The following LOXHD1 variants were observed in gnomAD, a reference collection of about 807,000 sequenced individuals.
LOXHD1 encodes lipoxygenase homology domain-containing protein 1.
LOXHD1 carries 205 observed loss-of-function variants against 248.2 expected under a neutral mutation model. That is an observed-to-expected ratio of 0.83 (90% confidence interval 0.74 to 0.93). The LOEUF is 0.93. Ranked by LOEUF, LOXHD1 falls within the 40% of genes least tolerant of loss-of-function variation. The probability of loss-of-function intolerance (pLI) is 0.00; values close to 1 mark genes in which losing one functional copy is unlikely to be tolerated. For synonymous variants in LOXHD1, 1,113 were observed against 1,162.8 expected, an observed-to-expected ratio of 0.96 and a Z score of 0.87; for missense variants, 2,930 against 2,971.6, an observed-to-expected ratio of 0.99 and a Z score of 0.33.
At chr18:46,484,077 A>G (rs563399107) in intron 39 of LOXHD1, among the ~76,000 whole-genome samples, 2 of 152,152 alleles carry the variant, frequency 1.3e-5, no homozygotes, top group East Asian at 3.9e-4. Flanking sequence ...GTCTTAGCAA[A>G]GTCATAGGTG....
chr18:46,642,841 G>T (rs543899482), intron 2 of LOXHD1, among the ~76,000 whole-genome samples: 2 of 152,304 alleles, frequency 1.3e-5, no homozygotes, highest in Middle Eastern at 3.4e-3. Flanking sequence ...TTGAGCCCCG[G>T]CCTGCCAGCA....
chr18:46,508,672 C>G (rs369312520), intron 35 of LOXHD1, among the ~76,000 whole-genome samples: 154 of 152,348 alleles, frequency 1.0e-3, no homozygotes, highest in African/African-American at 3.5e-3. Flanking sequence ...GCACAACACA[C>G]AAGTTCGCAT....
At chr18:46,490,472 G>T (rs914001880) in intron 37 of LOXHD1, among the ~76,000 whole-genome samples, 1 of 152,204 alleles carries the variant, frequency 6.6e-6, no homozygotes, top group Non-Finnish European at 1.5e-5. Context: ...AAACAGTGAA[G>T]TTACTTATTT....
chr18:46,543,451 G>T (rs111720884), intron 23 of LOXHD1, among the ~76,000 whole-genome samples: 11,820 of 152,018 alleles, frequency 0.078, 549 homozygotes, highest in Non-Finnish European at 0.1. Context: ...AAGTTCTGGG[G>T]TACACGTGCA....
chr18:46,559,079 A>C, intron 20 of LOXHD1: 1 of 1,177,846 alleles, frequency 8.5e-7, no homozygotes, highest in Non-Finnish European at 1.1e-6. Flanking sequence ...CTCACCTGCC[A>C]AGGCCCAGTT....
intron 4 of LOXHD1, among the ~76,000 whole-genome samples, chr18:46,621,505 T>C (rs1427285879): frequency 2.0e-5 from 3 of 152,222 alleles, no homozygotes; most frequent in African/African-American, 4.8e-5. Context: ...TCTGTCACTG[T>C]TGGCAAACGT....
At chr18:46,570,835 T>C (rs1485171850) in intron 15 of LOXHD1, among the ~76,000 whole-genome samples, 1 of 152,202 alleles carries the variant, frequency 6.6e-6, no homozygotes, top group Non-Finnish European at 1.5e-5. Flanking sequence ...GCCACATGCG[T>C]GCGGGCTGTG....
chr18:46,488,609 TC>T (rs1047022169), intron 38 of LOXHD1, among the ~76,000 whole-genome samples: 60 of 152,296 alleles, frequency 3.9e-4, no homozygotes, highest in African/African-American at 1.3e-3. Context: ...GCATTCTGTT[TC>T]TAGGAAGCGT....
In LOXHD1 at chr18:46,524,804, C is replaced by G; in HGVS notation, c.4644G>C (p.Trp1548Cys). Reference protein sequence around the residue: ...ADWYVEKVEIWNDTNEDEFLF... With the variant: ...ADWYVEKVEICNDTNEDEFLF... Reference sequence around the variant, plus strand: ...GGAACTCGTCCTCGTTGGTGTCATTCCAGATCTCCACCTTCTCCACGTACC... The same window carrying G: ...GGAACTCGTCCTCGTTGGTGTCATTGCAGATCTCCACCTTCTCCACGTACC... Residue 1548 changes from tryptophan to cysteine, a missense_variant, in exon 30 of 41, where the codon TGG becomes TGC. Transcript: ENST00000642948. 1 of 1,551,784 alleles carries G rather than the reference C, an allele frequency of 6.4e-7. No individual in the cohort carries two copies. The highest frequency in any genetic ancestry group is 1.2e-5 in the South Asian group (1 of 84,062).
At chr18:46,614,549 T>A (rs1331842009) in intron 5 of LOXHD1, among the ~76,000 whole-genome samples, 1 of 152,008 alleles carries the variant, frequency 6.6e-6, no homozygotes, top group African/African-American at 2.4e-5. Flanking sequence ...GTGGGGAACA[T>A]CACATACTGG....
intron 37 of LOXHD1, among the ~76,000 whole-genome samples, chr18:46,492,713 A>G (rs2143683559): frequency 6.6e-6 from 1 of 152,272 alleles, no homozygotes; most frequent in South Asian, 2.1e-4. Flanking sequence ...TTATTTTTTT[A>G]CACAAAAGTA....
intron 7 of LOXHD1, among the ~76,000 whole-genome samples, chr18:46,603,589 T>C (rs1200063959): frequency 6.6e-6 from 1 of 152,188 alleles, no homozygotes; most frequent in Non-Finnish European, 1.5e-5. Flanking sequence ...GTTAGGGCTT[T>C]AGGAAGCAGA....
intron 6 of LOXHD1, among the ~76,000 whole-genome samples, chr18:46,607,102 G>A (rs968622668): frequency 6.6e-6 from 1 of 151,786 alleles, no homozygotes; most frequent in Non-Finnish European, 1.5e-5. Flanking sequence ...CCGGGAGGCA[G>A]AGATTGCAGT....
At chr18:46,611,923 G>A in intron 5 of LOXHD1, among the ~76,000 whole-genome samples, 1 of 152,152 alleles carries the variant, frequency 6.6e-6, no homozygotes, top group African/African-American at 2.4e-5. Context: ...GACGGCTCCT[G>A]AAGTGTGATA....
intron 4 of LOXHD1, among the ~76,000 whole-genome samples, chr18:46,638,663 A>G (rs532997379): frequency 1.3e-4 from 20 of 152,304 alleles, no homozygotes; most frequent in Admixed American, 1.2e-3. Flanking sequence ...AAATAAAAAT[A>G]AAATAATCAA....
intron 18 of LOXHD1, 133 bp downstream of exon 18, chr18:46,562,932 C>A (rs759053814): frequency 1.8e-5 from 19 of 1,071,542 alleles, no homozygotes; most frequent in Non-Finnish European, 2.2e-5. Flanking sequence ...AGAGAGGAAG[C>A]ATTTTCCACC....
rs569525991 is a variant in LOXHD1 at position 46,521,336 on chromosome 18, T to G, written c.5086-54A>C. 3 of 1,536,760 alleles carry G rather than the reference T, an allele frequency of 2.0e-6. No homozygotes were observed. The East Asian group carries it at 7.3e-5, about 38-fold the overall frequency. On this transcript the variant is annotated intron_variant, in intron 32 of 40. Coordinates refer to ENST00000642948, the MANE Select transcript of LOXHD1 (RefSeq NM_001384474.1). Reference sequence around the variant, plus strand: ...GATCTGGGCACAACTGGGAAGGAAGTGCTCCCTGCCCAGCCCCCTCCCTCA... The same window carrying G: ...GATCTGGGCACAACTGGGAAGGAAGGGCTCCCTGCCCAGCCCCCTCCCTCA...
At chr18:46,529,726 T>G (rs1025774905) in intron 28 of LOXHD1, among the ~76,000 whole-genome samples, 2 of 152,240 alleles carry the variant, frequency 1.3e-5, no homozygotes, top group African/African-American at 4.8e-5. Context: ...CCTTCCCATT[T>G]GAGGGTGACC....
At chr18:46,652,304 T>C (rs1018217500) in intron 1 of LOXHD1, among the ~76,000 whole-genome samples, 3 of 152,292 alleles carry the variant, frequency 2.0e-5, no homozygotes, top group African/African-American at 7.2e-5. Context: ...GATTTCCTAG[T>C]GGATGCAAGA....
Sources: allele counts gnomAD v4.1 joint callset (sites outside exome capture counted in the v4.1 genomes callset), GRCh38; gene constraint gnomAD v4.1.1; transcripts MANE v1.5; gene names NCBI Gene and HGNC (gene_info 2026-07-23, HGNC 2026-07-21).